Variants in PM20D1 observed in about 807,000 individuals in gnomAD.
The protein encoded by PM20D1 is N-fatty-acyl-amino acid synthase/hydrolase PM20D1.
Under a neutral mutation model 53.8 loss-of-function variants are expected in PM20D1, and 53 were observed. The ratio of observed to expected loss-of-function variants is 0.98; its 90% CI spans 0.79 to 1.24. The LOEUF (loss-of-function observed/expected upper bound fraction) is 1.24, where lower values mean the gene tolerates loss of function less well. Among genes scored for constraint, PM20D1 ranks in the 50% most tolerant of loss-of-function variants. PM20D1 has a pLI of 0.00. For synonymous variants in PM20D1, 239 were observed against 241.3 expected, an observed-to-expected ratio of 0.99 and a Z score of 0.09; for missense variants, 564 against 616.8, an observed-to-expected ratio of 0.91 and a Z score of 0.91.
chr1:205,841,169 C>T (rs1337242283), intron 9 of PM20D1, among the ~76,000 whole-genome samples: 1 of 152,052 alleles, frequency 6.6e-6, no homozygotes, highest in Non-Finnish European at 1.5e-5. Flanking sequence ...TTTTGCCTGA[C>T]CAGGAGGAAT....
chr1:205,840,189 G>A, intron 10 of PM20D1, 63 bp downstream of exon 10: 2 of 1,482,138 alleles, frequency 1.3e-6, no homozygotes, highest in Non-Finnish European at 1.9e-6. Context: ...GTTAAACCCG[G>A]GCCCTGAGGG....
Position 205,832,691 on chromosome 1 carries a change from G to A in PM20D1, c.1192C>T (p.Pro398Ser), listed in dbSNP as rs1440555455. 8 of 1,614,100 alleles carry A rather than the reference G, an allele frequency of 5.0e-6. No individual in the cohort carries two copies. The highest frequency in any genetic ancestry group is 1.7e-5 in the Admixed American group (1 of 60,002). ...GCCTTGTCATCAGAAGGGCTGACGG[G>A]GAGGGGGTCAAAGGCACTCAACACA... Reference protein sequence around the residue: ...FHVLSAFDPLPVSPSDDKALG... With the variant: ...FHVLSAFDPLSVSPSDDKALG... Residue 398 changes from proline to serine, a missense_variant, in exon 11 of 13, where the codon CCC (proline) becomes TCC (serine). Pro to Ser is a moderately conservative substitution (Grantham distance 74). Transcript: ENST00000367136.
At chr1:205,844,318 C>T in intron 4 of PM20D1, 101 bp from the exon 5 acceptor site, 1 of 1,335,454 alleles carries the variant, frequency 7.5e-7, no homozygotes, top group African/African-American at 1.5e-5. Context: ...GGCTCCAGAA[C>T]CTTTCTACCT....
At chr1:205,840,115 C>T (rs1246614591) in intron 10 of PM20D1, 137 bp downstream of exon 10, 2 of 630,902 alleles carry the variant, frequency 3.2e-6, no homozygotes, top group African/African-American at 3.7e-5. Flanking sequence ...GTATCCGGTG[C>T]ATAGGTTGTC....
intron 4 of PM20D1, among the ~76,000 whole-genome samples, chr1:205,844,561 G>T (rs1417613384): frequency 6.6e-6 from 1 of 152,214 alleles, no homozygotes; most frequent in Non-Finnish European, 1.5e-5. Context: ...GGGTATAGGT[G>T]ATGGACCCAC....
chr1:205,832,757 G>A lies in PM20D1; in HGVS notation c.1126C>T (p.Leu376Phe). The A allele has an allele frequency of 6.3e-7, 1 of 1,590,816 alleles. No homozygotes were observed. The highest frequency in any genetic ancestry group is 2.3e-5 in the East Asian group (1 of 43,962). ...PGQTVQEVLE[L>F]TKNIVADNRV... ...TTATCAGCCACAATGTTCTTCGTGA[G>A]TTCTAGGACCTCCAGGGTAGAAACA... Residue 376 changes from leucine (L) to phenylalanine (F), a missense_variant, in exon 11 of 13, where the codon CTC becomes TTC. Leu to Phe is a conservative substitution (Grantham distance 22). Coordinates refer to ENST00000367136, the MANE Select transcript of PM20D1 (RefSeq NM_152491.5).
intron 9 of PM20D1, 148 bp from the exon 10 acceptor site, chr1:205,840,471 G>A: frequency 1.6e-6 from 1 of 641,388 alleles, no homozygotes; most frequent in Middle Eastern, 3.4e-4. Context: ...TCTGCCTCTT[G>A]TCTTCTCTGA....
In PM20D1 at chr1:205,828,659, G is replaced by A. The variant is rs1264694613; in HGVS notation, c.1470C>T (p.Asp490=). 6.2e-7 allele frequency: 1 copy of A among 1,614,196 alleles called. No individual in the cohort carries two copies. The highest frequency in any genetic ancestry group is 8.5e-7 in the Non-Finnish European group (1 of 1,180,030). ...KFIFELIQNA[D]TDQEPVSHLH... is the part of the protein sequence containing the mutation. ...GGTGAGAAACTGGCTCCTGGTCTGT[G>A]TCAGCATTCTGAATCAACTCAAAGA... Residue 490 remains aspartate, a synonymous_variant, in exon 13 of 13, where the codon GAC becomes GAT. Transcript: ENST00000367136.
intron 12 of PM20D1, among the ~76,000 whole-genome samples, chr1:205,829,225 C>T (rs143437542): frequency 0.029 from 4,367 of 152,144 alleles, 89 homozygotes; most frequent in Non-Finnish European, 0.044. Context: ...GATGGAGTCT[C>T]ATTATGTTGC....
chr1:205,831,049 T>C (rs1656547481), intron 11 of PM20D1, among the ~76,000 whole-genome samples: 1 of 152,212 alleles, frequency 6.6e-6, no homozygotes, highest in Admixed American at 6.5e-5. Context: ...ATTCTCATCC[T>C]CTGAAGTCTT....
At chr1:205,848,538 C>A (rs907482113) in intron 1 of PM20D1, among the ~76,000 whole-genome samples, 3 of 152,158 alleles carry the variant, frequency 2.0e-5, no homozygotes, top group Non-Finnish European at 2.9e-5. Flanking sequence ...CAAACAAACT[C>A]CTCAGTCCTA....
rs374583949 is a variant in PM20D1, at chr1:205,828,582, C to T, written c.*38G>A. 132 of 1,612,476 alleles carry T rather than the reference C, an allele frequency of 8.2e-5. No individual in the cohort carries two copies. The African/African-American group carries it at 1.1e-3, about 13-fold the overall frequency. On this transcript the variant is annotated 3_prime_UTR_variant, in exon 13 of 13. Transcript: ENST00000367136. ...TTTCCCCCTTGGGTTAGTCCTGTCCCGGGGTCGGGCATGCCTAACCCAGCA... is the reference window on the plus strand; with the variant it reads ...TTTCCCCCTTGGGTTAGTCCTGTCCTGGGGTCGGGCATGCCTAACCCAGCA...
intron 10 of PM20D1, among the ~76,000 whole-genome samples, chr1:205,834,069 A>T (rs1427123186): frequency 6.6e-6 from 1 of 151,560 alleles, no homozygotes; most frequent in Non-Finnish European, 1.5e-5. Context: ...GCTGGTCTCA[A>T]ACTCCTGACC....
At chr1:205,841,787 A>G in intron 9 of PM20D1, 24 bp downstream of exon 9, 2 of 1,548,766 alleles carry the variant, frequency 1.3e-6, no homozygotes, top group Non-Finnish European at 1.8e-6. Context: ...GAAAAGCTAT[A>G]TGGGGAGGAA....
chr1:205,841,799 C>T lies in PM20D1; in HGVS notation c.1044+12G>A. 1 of 1,558,628 alleles carries T rather than the reference C, an allele frequency of 6.4e-7. No homozygotes were observed. Among genetic ancestry groups the T allele is most frequent in the Non-Finnish European group, 8.7e-7 (1 of 1,149,200 alleles). On this transcript the variant is annotated intron_variant, in intron 9 of 12. Coordinates refer to ENST00000367136, the MANE Select transcript of PM20D1 (RefSeq NM_152491.5). ...AGGGAAAAGCTATATGGGGAGGAAC[C>T]AGGGATGTTACCTTGACCCCTGCTT...
intron 9 of PM20D1, among the ~76,000 whole-genome samples, chr1:205,841,125 G>T (rs1455968561): frequency 2.0e-5 from 3 of 151,962 alleles, no homozygotes; most frequent in Non-Finnish European, 2.9e-5. Flanking sequence ...GCAGGGATTG[G>T]TGGTTTCCCA....
At chr1:205,847,503 G>A (rs1436191797) in intron 2 of PM20D1, among the ~76,000 whole-genome samples, 1 of 118,602 alleles carries the variant, frequency 8.4e-6, no homozygotes, top group South Asian at 3.4e-4. Flanking sequence ...TGAGTACGTG[G>A]AGTGTATATG....
intron 9 of PM20D1, 144 bp from the exon 10 acceptor site, chr1:205,840,467 T>C: frequency 1.6e-6 from 1 of 643,020 alleles, no homozygotes; most frequent in South Asian, 2.1e-5. Flanking sequence ...CTAGTCTGCC[T>C]CTTGTCTTCT....
chr1:205,841,638 C>G (rs112178399), intron 9 of PM20D1, among the ~76,000 whole-genome samples, 173 bp downstream of exon 9: 1 of 152,120 alleles, frequency 6.6e-6, no homozygotes, highest in Non-Finnish European at 1.5e-5. Flanking sequence ...CTGGCAGTTA[C>G]AAGAATGGTC....
Sources: allele counts gnomAD v4.1 joint callset (sites outside exome capture counted in the v4.1 genomes callset), GRCh38; gene constraint gnomAD v4.1.1; transcripts MANE v1.5; gene names NCBI Gene and HGNC (gene_info 2026-07-23, HGNC 2026-07-21).